Variants in FRMPD4 observed in about 807,000 individuals in gnomAD.
The protein encoded by FRMPD4 is FERM and PDZ domain containing 4.
In FRMPD4, 22 loss-of-function variants were observed where a neutral mutation model predicts 94.1. The observed-to-expected ratio is 0.23, with a 90% CI of 0.17 to 0.33. The LOEUF is 0.33. Among genes scored for constraint, FRMPD4 ranks in the 10% least tolerant of loss-of-function variants. FRMPD4 has a pLI of 1.00. For missense variants in FRMPD4, 1,111 were observed against 1,339.9 expected (o/e 0.83, Z 2.67); for synonymous variants, 631 against 548.6 (o/e 1.15, Z -2.10).
chrX:12,121,145 T>G (rs1161894672), intron 3 of FRMPD4, among the ~76,000 whole-genome samples: 4 of 109,416 alleles, frequency 3.7e-5, no homozygotes, highest in African/African-American at 1.3e-4. Context: ...AAGACTTTAT[T>G]TGCTATTTTC....
chrX:12,186,149 A>G (rs2056422129), intron 1 of FRMPD4, among the ~76,000 whole-genome samples: 1 of 111,390 alleles, frequency 9.0e-6, no homozygotes, highest in Non-Finnish European at 1.9e-5. Flanking sequence ...CTTTAAAAAA[A>G]TCTCACTGGC....
chrX:11,884,112 C>T (rs1330077937), intron 3 of FRMPD4, among the ~76,000 whole-genome samples: 1 of 107,465 alleles, frequency 9.3e-6, no homozygotes, highest in Non-Finnish European at 1.9e-5. Flanking sequence ...AGGCAAAGAA[C>T]CCATGACAGG....
At chrX:12,494,913 A>G in intron 1 of FRMPD4, 1 of 243,400 alleles carries the variant, frequency 4.1e-6, no homozygotes, top group Non-Finnish European at 5.8e-6. Context: ...GTAGGTCGCT[A>G]TTTTTAAGGC....
At chrX:12,588,558 A>G (rs1237703914) in intron 2 of FRMPD4, among the ~76,000 whole-genome samples, 3 of 112,567 alleles carry the variant, frequency 2.7e-5, no homozygotes, top group Non-Finnish European at 5.6e-5. Flanking sequence ...GTATTTTACA[A>G]CTATATCATA....
intron 1 of FRMPD4, among the ~76,000 whole-genome samples, chrX:12,348,246 A>G (rs2055745455): frequency 8.9e-6 from 1 of 112,071 alleles, no homozygotes; most frequent in Admixed American, 9.5e-5. Context: ...TTTTGTTGCA[A>G]TCAGCTGATG....
At chrX:11,904,530 G>A (rs934398545) in intron 3 of FRMPD4, among the ~76,000 whole-genome samples, 1 of 112,389 alleles carries the variant, frequency 8.9e-6, no homozygotes, top group Non-Finnish European at 1.9e-5. Context: ...TCTACCAACA[G>A]TGAGTCAAGT....
intron 4 of FRMPD4, among the ~76,000 whole-genome samples, chrX:12,641,255 G>A (rs1374617999): frequency 1.8e-5 from 2 of 110,798 alleles, no homozygotes; most frequent in Non-Finnish European, 3.8e-5. Context: ...CAAAGCCCCA[G>A]GAGGGTGACT....
At chrX:12,467,237 G>T (rs1179361439) in intron 1 of FRMPD4, among the ~76,000 whole-genome samples, 1 of 109,457 alleles carries the variant, frequency 9.1e-6, no homozygotes, top group Non-Finnish European at 1.9e-5. Context: ...GGTTCAAGGA[G>T]CCACAAGACA....
At chrX:12,104,518 T>C (rs974488600) in intron 3 of FRMPD4, among the ~76,000 whole-genome samples, 2 of 112,719 alleles carry the variant, frequency 1.8e-5, no homozygotes, top group Non-Finnish European at 3.7e-5. Flanking sequence ...CATTATATAA[T>C]GTATGTGCTA....
intron 3 of FRMPD4, among the ~76,000 whole-genome samples, chrX:12,090,557 T>C (rs934583352): frequency 1.8e-5 from 2 of 110,648 alleles, no homozygotes; most frequent in Non-Finnish European, 3.8e-5. Context: ...GACTCCACTT[T>C]TTTCCGATAC....
intron 1 of FRMPD4, among the ~76,000 whole-genome samples, chrX:12,453,231 C>A (rs1196895562): frequency 9.0e-6 from 1 of 111,115 alleles, no homozygotes; most frequent in African/African-American, 3.3e-5. Context: ...TACGCCTCAG[C>A]AACTGTCCAA....
chrX:12,445,310 C>T (rs747000867), intron 1 of FRMPD4, among the ~76,000 whole-genome samples: 86 of 112,144 alleles, frequency 7.7e-4, no homozygotes, highest in Admixed American at 1.5e-3. Context: ...TGTGTGCTAA[C>T]GTTTGAGAAT....
At chrX:11,873,482 G>T (rs1294944943) in intron 2 of FRMPD4, among the ~76,000 whole-genome samples, 2 of 110,738 alleles carry the variant, frequency 1.8e-5, no homozygotes, top group African/African-American at 6.6e-5. Context: ...GAAATACTTA[G>T]GGATAAATTA....
intron 2 of FRMPD4, among the ~76,000 whole-genome samples, chrX:12,528,301 CTGTTTTTTTTTGTTTT>C (rs1176721667): frequency 1.0e-5 from 1 of 100,387 alleles, no homozygotes; most frequent in Non-Finnish European, 2.0e-5. Context: ...GTCTGTTAGT[CTGTTTTTTTTTGTTTT>C]TGTTTTTTTT....
chrX:12,083,445 G>T (rs1258087519), intron 3 of FRMPD4, among the ~76,000 whole-genome samples: 1 of 113,050 alleles, frequency 8.8e-6, no homozygotes, highest in African/African-American at 3.2e-5. Flanking sequence ...TGCTGCAGAG[G>T]TGGGGGCCCT....
At chrX:12,544,205 T>C (rs2058450399) in intron 2 of FRMPD4, among the ~76,000 whole-genome samples, 1 of 110,585 alleles carries the variant, frequency 9.0e-6, no homozygotes, top group African/African-American at 3.3e-5. Flanking sequence ...CTGCATGTTG[T>C]GCACATGTAC....
intron 3 of FRMPD4, among the ~76,000 whole-genome samples, chrX:11,955,070 T>G (rs2054247123): frequency 9.0e-6 from 1 of 111,268 alleles, no homozygotes; most frequent in Non-Finnish European, 1.9e-5. Flanking sequence ...GAGGGCCCAC[T>G]TCTTATAGAC....
At chrX:12,102,913 G>C (rs2055267268) in intron 3 of FRMPD4, among the ~76,000 whole-genome samples, 1 of 110,834 alleles carries the variant, frequency 9.0e-6, no homozygotes, top group Non-Finnish European at 1.9e-5. Flanking sequence ...GAAAAAAATA[G>C]CTAACAGAAG....
intron 1 of FRMPD4, among the ~76,000 whole-genome samples, chrX:11,829,575 T>C (rs760631168): frequency 9.0e-6 from 1 of 111,599 alleles, no homozygotes; most frequent in Non-Finnish European, 1.9e-5. Context: ...AAAGTTGAAG[T>C]TATTTTTAAA....
Sources: gnomAD v4.1 joint callset for allele counts (sites outside exome capture counted in the v4.1 genomes callset) on GRCh38, gnomAD v4.1.1 for gene constraint, MANE v1.5 for transcripts, NCBI Gene and HGNC (gene_info 2026-07-23, HGNC 2026-07-21) for gene names.